TECPR1: variants seen among roughly 807,000 people sequenced by gnomAD.
TECPR1 encodes tectonin beta-propeller repeat containing 1.
Under a neutral mutation model 162.4 loss-of-function variants are expected in TECPR1, and 122 were observed. The ratio of observed to expected loss-of-function variants is 0.75; its 90% CI spans 0.65 to 0.87. The LOEUF is 0.87. TECPR1 is among the 40% of genes least tolerant of loss of function. The probability of loss-of-function intolerance (pLI) is 0.00; values close to 1 mark genes in which losing one functional copy is unlikely to be tolerated. For missense variants in TECPR1, 1,432 were observed against 1,618.2 expected (o/e 0.88, Z 1.97); for synonymous variants, 642 against 670.6 (o/e 0.96, Z 0.66).
Position 98,247,627 on chromosome 7 carries a change from G to A in TECPR1, c.-19-1462C>T, listed in dbSNP as rs146749870. ...AACGTGACCATGTGAATTCAGGGAC[G>A]TAGGGGTCTTTTCTTCATGCGCCCT... On this transcript the variant is annotated intron_variant, in intron 2 of 25. Transcript: ENST00000447648. Among the ~76,000 whole-genome samples the A allele has an allele frequency of 4.4e-4, 67 of 152,288 alleles. 1 individual carries two copies. The East Asian group carries it at 0.011, about 25-fold the overall frequency.
Position 98,241,248 on chromosome 7 carries a change from G to C in TECPR1, c.658-4C>G. The C allele has an allele frequency of 6.2e-7, 1 of 1,612,290 alleles. No homozygotes were observed. The highest frequency in any genetic ancestry group is 1.3e-5 in the African/African-American group (1 of 74,984). On this transcript the variant is annotated splice_polypyrimidine_tract_variant and splice_region_variant and intron_variant, in intron 6 of 25. Transcript: ENST00000447648. The surrounding 1 kb of genome is among the most constrained non-coding windows in gnomAD (Gnocchi z 5.0). ...TGACGTCCTCTCTGTACCACACCTG[G>C]GAGGCAAGACAGGGACACAGCACCT...
chr7:98,234,438 GC>G (rs1798538861), intron 10 of TECPR1, among the ~76,000 whole-genome samples: 1 of 152,214 alleles, frequency 6.6e-6, no homozygotes, highest in South Asian at 2.1e-4. Context: ...ACAGGCGTGA[GC>G]CACCGCGCCC....
chr7:98,225,060 C>T lies in TECPR1; in HGVS notation c.2556G>A (p.Gly852=). ...TGCCAGCCTTCGTGCACTCCTGCAG[C>T]CCCGAGGCATCGCTCCACATGTACC... ...TDRYMWSDAS[G]LQECTKAGTK... The change falls in exon 18 of 26, where the codon GGG becomes GGA. Residue 852 remains glycine, a synonymous_variant. Transcript: ENST00000447648. 12 of 1,567,428 alleles carry T rather than the reference C, an allele frequency of 7.7e-6. No homozygotes were observed. Among genetic ancestry groups the T allele is most frequent in the Non-Finnish European group, 1.0e-5 (12 of 1,158,344 alleles).
In TECPR1 at chr7:98,228,386, G is replaced by A. The variant is rs116360254; in HGVS notation, c.2411-270C>T. 1,555 of 437,630 alleles carry A rather than the reference G, an allele frequency of 3.6e-3. 7 individuals carry two copies. The highest frequency in any genetic ancestry group is 0.019 in the African/African-American group (981 of 50,352). 27.1% of individuals were successfully genotyped at this position (437,630 alleles called of 1,614,324 possible). ...AATCTCCCATCCACACCCCTCCAGC[G>A]CCTCTTCCCACCTTGCCCTCCTACT... On this transcript the variant is annotated intron_variant, in intron 16 of 25. Coordinates refer to ENST00000447648, the MANE Select transcript of TECPR1 (RefSeq NM_015395.3).
At chr7:98,233,269 G>C (rs527550947) in intron 11 of TECPR1, 152 bp downstream of exon 11, 1 of 1,094,644 alleles carries the variant, frequency 9.1e-7, no homozygotes, top group South Asian at 2.3e-5. Flanking sequence ...ACAGAGGAGC[G>C]CAATGCCTGG....
At chr7:98,242,558 CCACA>C (rs1798778372) in intron 6 of TECPR1, among the ~76,000 whole-genome samples, 1 of 148,874 alleles carries the variant, frequency 6.7e-6, no homozygotes, top group African/African-American at 2.5e-5. Context: ...ATCCATCCAT[CCACA>C]CACCCACCCA....
In TECPR1 at chr7:98,245,950, C is replaced by T. The variant is rs776939148; in HGVS notation, c.197G>A (p.Arg66His). ...VYVCASDVPI[R>H]RREEAYENQR... ...ATTCTCATAGGCCTCCTCTCGGCGGCGGATGGGGACATCGCTGGCACACAC... is the reference window on the plus strand; with the variant it reads ...ATTCTCATAGGCCTCCTCTCGGCGGTGGATGGGGACATCGCTGGCACACAC... Residue 66 changes from arginine to histidine, a missense_variant, in exon 3 of 26, where the codon CGC becomes CAC. Arg to His is a conservative substitution (Grantham distance 29, BLOSUM62 0). Coordinates refer to ENST00000447648, the MANE Select transcript of TECPR1 (RefSeq NM_015395.3). The T allele has an allele frequency of 2.0e-5, 32 of 1,604,472 alleles. No individual in the cohort carries two copies. Among genetic ancestry groups the T allele is most frequent in the Middle Eastern group, 1.6e-4 (1 of 6,076 alleles).
At chr7:98,240,175 G>A (rs890976374) in intron 8 of TECPR1, among the ~76,000 whole-genome samples, 5 of 152,062 alleles carry the variant, frequency 3.3e-5, no homozygotes, top group African/African-American at 7.2e-5. Context: ...TGGACTTGCC[G>A]CTGATAAGAT....
In TECPR1 at chr7:98,235,849, A is replaced by AAAAAAAAAAAAAAAAAAAAAAAAAACAAC; in HGVS notation, c.1181+926_1181+927insGTTGTTTTTTTTTTTTTTTTTTTTTTTTT. Reference sequence around the variant, plus strand: ...TCTCAAAAAAAAAAAAAAAAAAAAAAAACACCATCTGAGCAGACTAAACCC... The same window carrying AAAAAAAAAAAAAAAAAAAAAAAAAACAAC: ...TCTCAAAAAAAAAAAAAAAAAAAAAAAAAAAAAAAAAAAAAAAAAAAAAAACAACAACACCATCTGAGCAGACTAAACCC... On this transcript the variant is annotated intron_variant, in intron 10 of 25. Transcript: ENST00000447648. Among the ~76,000 whole-genome samples the AAAAAAAAAAAAAAAAAAAAAAAAAACAAC allele has an allele frequency of 4.3e-4, 47 of 110,216 alleles. 12 individuals are homozygous for AAAAAAAAAAAAAAAAAAAAAAAAAACAAC. Among genetic ancestry groups the AAAAAAAAAAAAAAAAAAAAAAAAAACAAC allele is most frequent in the Non-Finnish European group, 7.0e-4 (34 of 48,492 alleles). The allele number at this position is 110,216 out of a possible 152,430, so 72.3% of individuals were successfully genotyped here.
chr7:98,233,320 G>A, intron 11 of TECPR1, 101 bp downstream of exon 11: 1 of 1,348,214 alleles, frequency 7.4e-7, no homozygotes, highest in Non-Finnish European at 9.6e-7. Context: ...AGGGAGGACA[G>A]CAGGCCTGCC....
rs1430078788 is a variant in TECPR1, at chr7:98,241,109, C to A, written c.793G>T (p.Ala265Ser). The A allele has an allele frequency of 6.2e-7, 1 of 1,611,090 alleles. No individual in the cohort carries two copies. The highest frequency in any genetic ancestry group is 1.3e-5 in the African/African-American group (1 of 75,028). ...CTGTTGATTCCTTCCCGGACCAGGG[C>A]CTGTCCCTCCCAGAGTGTGGCCCAC... ...LLWATLWEGQALVREGINRSN... is the reference protein window; with the variant it reads ...LLWATLWEGQSLVREGINRSN... Residue 265 changes from alanine to serine, a missense_variant, in exon 7 of 26, where the codon GCC (alanine) becomes TCC (serine). Ala to Ser is a moderately conservative substitution (Grantham distance 99, BLOSUM62 1). Transcript: ENST00000447648. This position sits in a 1 kb window ranked among gnomAD's most constrained non-coding sequence, Gnocchi z 5.0.
rs73151168 is a variant in TECPR1 at position 98,215,099 on chromosome 7, C to T, written c.*2291G>A. 8,259 of 152,448 alleles carry T rather than the reference C, an allele frequency of 0.054. 326 individuals carry two copies. Among genetic ancestry groups the T allele is most frequent in the Middle Eastern group, 0.12 (34 of 294 alleles). The allele number at this position is 152,448 out of a possible 1,614,324, so 9.4% of individuals were successfully genotyped here. A position where few individuals can be genotyped will look rare whatever the true frequency, so the allele number is the denominator to read the frequency against. On this transcript the variant is annotated 3_prime_UTR_variant, in exon 26 of 26. Coordinates refer to ENST00000447648, the MANE Select transcript of TECPR1 (RefSeq NM_015395.3). ...TGCCTCGGCCATCGGGATGAGGTCC[C>T]TCAAGTCCCTGCACAAGCAGGTCAG...
chr7:98,237,178 G>A (rs565810716), intron 9 of TECPR1, among the ~76,000 whole-genome samples: 169 of 152,158 alleles, frequency 1.1e-3, no homozygotes, highest in African/African-American at 3.9e-3. Context: ...GGGAAGTGGC[G>A]GGGCTGGGGG....
chr7:98,229,206 C>A (rs1487039666), intron 15 of TECPR1, 40 bp from the exon 16 acceptor site: 2 of 1,539,222 alleles, frequency 1.3e-6, no homozygotes, highest in South Asian at 2.4e-5. Flanking sequence ...CCCCTCAGAC[C>A]CCACCTTCCA....
chr7:98,229,043 G>A lies in TECPR1; in HGVS notation c.2406C>T (p.Phe802=). ...VYTGGYGGGC[F]QGLASSTSNI... ...GGGGCTGTGGGCCGCCCTCACCTTG[G>A]AAGCAGCCGCCTCCATAGCCGCCTG... The change falls in exon 16 of 26, where the codon TTC becomes TTT. Residue 802 remains phenylalanine (F), a synonymous_variant. Transcript: ENST00000447648. 1 of 1,600,922 alleles carries A rather than the reference G, an allele frequency of 6.2e-7. No individual in the cohort carries two copies. The highest frequency in any genetic ancestry group is 8.5e-7 in the Non-Finnish European group (1 of 1,174,190).
In TECPR1 at chr7:98,244,644, T is replaced by G. The variant is rs370034927; in HGVS notation, c.458A>C (p.Lys153Thr). The G allele has an allele frequency of 3.1e-6, 5 of 1,612,882 alleles. No individual in the cohort carries two copies. The African/African-American group carries it at 6.7e-5, about 22-fold the overall frequency. Residue 153 changes from lysine (K) to threonine (T), a missense_variant, in exon 5 of 26, where the codon AAG becomes ACG. Coordinates refer to ENST00000447648, the MANE Select transcript of TECPR1 (RefSeq NM_015395.3). ...CCGGCGCCGCACACAAGAATTCCAC[T>G]TCTTGTCTTTCGTGTAGGTGGCGGG... is the stretch of plus-strand genomic sequence containing the variant. ...DFPATYTKDKKWNSCVRRRKW... is the reference protein window; with the variant it reads ...DFPATYTKDKTWNSCVRRRKW...
At position 98,222,401 on chromosome 7, in the gene TECPR1, G is replaced by A. The variant is rs930769930; in HGVS notation, c.3049C>T (p.Pro1017Ser). 5 of 1,601,524 alleles carry A rather than the reference G, an allele frequency of 3.1e-6. No homozygotes were observed. Among genetic ancestry groups the A allele is most frequent in the African/African-American group, 2.7e-5 (2 of 74,758 alleles). The change falls in exon 22 of 26, where the codon CCC becomes TCC. Residue 1017 changes from proline (P) to serine (S), a missense_variant. Pro to Ser is a moderately conservative substitution (Grantham distance 74). Coordinates refer to ENST00000447648, the MANE Select transcript of TECPR1 (RefSeq NM_015395.3). The stretch of plus-strand genomic sequence containing the variant: ...CGGCACTCACCGGCTGGCTGCGAGG[G>A]GTACACGGATCCCCGGTAGAAGGCG... ...GSAFYRGSVY[P>S]SQPAGDCWYH...
intron 2 of TECPR1, among the ~76,000 whole-genome samples, 154 bp from the exon 3 acceptor site, chr7:98,246,319 T>C (rs1798909308): frequency 6.6e-6 from 1 of 151,152 alleles, no homozygotes; most frequent in South Asian, 2.1e-4. Flanking sequence ...CAGGCTGGAG[T>C]GCAGTGGCGC....
intron 2 of TECPR1, chr7:98,251,000 C>T (rs1169446472): frequency 2.0e-5 from 3 of 152,214 alleles, no homozygotes; most frequent in Admixed American, 2.0e-4. Context: ...GAGGCTCCCC[C>T]TAGCTCCTCA....
Sources: allele counts gnomAD v4.1 joint callset (sites outside exome capture counted in the v4.1 genomes callset), GRCh38; gene constraint gnomAD v4.1.1; non-coding constraint Gnocchi (gnomAD v3.1); transcripts MANE v1.5; gene names NCBI Gene and HGNC (gene_info 2026-07-23, HGNC 2026-07-21).